Variants in NTN1 observed in about 807,000 individuals in gnomAD.
The protein encoded by NTN1 is netrin-1.
Under a neutral mutation model 54.2 loss-of-function variants are expected in NTN1, and 11 were observed. That is an observed-to-expected ratio of 0.20 (90% CI 0.13 to 0.34). NTN1 has a LOEUF of 0.34. Ranked by LOEUF, NTN1 falls within the 10% of genes least tolerant of loss-of-function variation. The probability of loss-of-function intolerance (pLI) is 1.00; values close to 1 mark genes in which losing one functional copy is unlikely to be tolerated. For missense variants in NTN1, 740 were observed against 893.1 expected (o/e 0.83, Z 2.18); for synonymous variants, 371 against 382.0 (o/e 0.97, Z 0.33).
At chr17:9,146,289 T>C (rs2092313120) in intron 2 of NTN1, among the ~76,000 whole-genome samples, 1 of 152,180 alleles carries the variant, frequency 6.6e-6, no homozygotes, top group African/African-American at 2.4e-5. Context: ...GAGTCATGTG[T>C]CACTGTTACG....
At chr17:9,139,721 G>T (rs573727444) in intron 2 of NTN1, among the ~76,000 whole-genome samples, 1 of 152,118 alleles carries the variant, frequency 6.6e-6, no homozygotes, top group Non-Finnish European at 1.5e-5. Context: ...ACATTTTTGG[G>T]CTGTGACTCA....
chr17:9,233,560 TG>T (rs1426545090), intron 6 of NTN1, among the ~76,000 whole-genome samples: 2 of 151,960 alleles, frequency 1.3e-5, no homozygotes, highest in East Asian at 3.9e-4. Context: ...TGGTGGCTCC[TG>T]GGCCCGGACT....
intron 6 of NTN1, among the ~76,000 whole-genome samples, chr17:9,235,497 C>T (rs1417276184): frequency 1.3e-5 from 2 of 152,114 alleles, no homozygotes; most frequent in Non-Finnish European, 2.9e-5. Context: ...TGAGTTTCAT[C>T]GTGTGGGTGT....
chr17:9,132,612 C>T (rs916031452), intron 2 of NTN1, among the ~76,000 whole-genome samples: 1 of 152,220 alleles, frequency 6.6e-6, no homozygotes, highest in Non-Finnish European at 1.5e-5. Flanking sequence ...CAGTGGCTCA[C>T]GCCTGTAACC....
At position 9,219,978 on chromosome 17, in the gene NTN1, TGCAGCTCCCC is replaced by T. The variant is rs1275499569; in HGVS notation, c.1412-1187_1412-1178del. 2.0e-5 allele frequency among the ~76,000 whole-genome samples: 3 copies of T among 152,170 alleles called. No individual in the cohort carries two copies. In the East Asian group the frequency reaches 5.8e-4, roughly 29 times the overall value. The stretch of plus-strand genomic sequence containing the variant: ...ACAGGCTGGGCCCCCTGCAGCTCCC[TGCAGCTCCCC>T]GCTCCTCCCCGCTGGCCAGCCTGGC... On this transcript the variant is annotated intron_variant, in intron 5 of 6. Transcript: ENST00000173229. The surrounding 1 kb of genome is among the most constrained non-coding windows in gnomAD (Gnocchi z 4.5).
chr17:9,237,722 G>C (rs1035944792), intron 6 of NTN1, among the ~76,000 whole-genome samples: 1 of 152,192 alleles, frequency 6.6e-6, no homozygotes, highest in Non-Finnish European at 1.5e-5. Flanking sequence ...AGAGGAAAGC[G>C]GGGCTCTCAG....
At position 9,023,260 on chromosome 17, in the gene NTN1, G is replaced by C. The variant is rs748734505; in HGVS notation, c.887G>C (p.Arg296Pro). 1 of 1,562,200 alleles carries C rather than the reference G, an allele frequency of 6.4e-7. No homozygotes were observed. Among genetic ancestry groups the C allele is most frequent in the Admixed American group, 1.8e-5 (1 of 54,784 alleles). ...KCNGHAARCVRDRDDSLVCDC... is the reference protein window; with the variant it reads ...KCNGHAARCVPDRDDSLVCDC... ...AACGGCCACGCGGCCCGCTGCGTGC[G>C]CGACCGCGACGACAGCCTGGTGTGC... Residue 296 changes from arginine to proline, a missense_variant, in exon 2 of 7, where the codon CGC (arginine) becomes CCC (proline). Arg to Pro is a moderately radical substitution (Grantham distance 103). Transcript: ENST00000173229.
intron 5 of NTN1, chr17:9,183,539 C>T (rs990898507): frequency 2.9e-6 from 1 of 346,426 alleles, no homozygotes; most frequent in Middle Eastern, 1.1e-3. Flanking sequence ...GTTTACACAT[C>T]ACATTCTAGC....
At chr17:9,172,085 A>G (rs1320292932) in intron 3 of NTN1, among the ~76,000 whole-genome samples, 13 of 151,978 alleles carry the variant, frequency 8.6e-5, no homozygotes, top group Non-Finnish European at 1.2e-4. Flanking sequence ...ATGCAGTTTC[A>G]CCATGTTAGT....
chr17:9,239,746 T>C lies in NTN1; in HGVS notation c.1593T>C (p.Gly531=). ...YKQGTSRIRR[G]DQSLWIRSRD... ...AGGGCACGAGCCGCATCCGCCGCGG[T>C]GACCAGAGCCTGTGGATCCGCTCGC... is the stretch of plus-strand genomic sequence containing the variant. The change falls in exon 7 of 7, where the codon GGT becomes GGC. Residue 531 remains glycine, a synonymous_variant. Coordinates refer to ENST00000173229, the MANE Select transcript of NTN1 (RefSeq NM_004822.3). This position sits in a 1 kb window ranked among gnomAD's most constrained non-coding sequence, Gnocchi z 5.2. 6.2e-7 allele frequency: 1 copy of C among 1,613,738 alleles called. No individual in the cohort carries two copies. Among genetic ancestry groups the C allele is most frequent in the Non-Finnish European group, 8.5e-7 (1 of 1,180,020 alleles).
chr17:9,138,644 G>T (rs528631713), intron 2 of NTN1, among the ~76,000 whole-genome samples: 173 of 152,336 alleles, frequency 1.1e-3, no homozygotes, highest in Non-Finnish European at 7.2e-4. Flanking sequence ...TGACAGCCGC[G>T]TGCCGGGTAC....
At chr17:9,089,091 G>A (rs2092099675) in intron 2 of NTN1, among the ~76,000 whole-genome samples, 1 of 152,088 alleles carries the variant, frequency 6.6e-6, no homozygotes, top group South Asian at 2.1e-4. Context: ...CAGGTATGAG[G>A]AGCCTCATTT....
chr17:9,209,286 C>T (rs1284719246), intron 5 of NTN1, among the ~76,000 whole-genome samples: 3 of 152,226 alleles, frequency 2.0e-5, no homozygotes, highest in South Asian at 4.1e-4. Context: ...TTTCCACTTA[C>T]GTCCTGGGGC....
chr17:9,217,717 C>T (rs1905244426), intron 5 of NTN1, among the ~76,000 whole-genome samples: 2 of 152,106 alleles, frequency 1.3e-5, no homozygotes, highest in African/African-American at 4.8e-5. Flanking sequence ...CCTTCCAAGC[C>T]TAGTTACCTG....
At chr17:9,037,049 A>G (rs553167505) in intron 2 of NTN1, among the ~76,000 whole-genome samples, 41 of 152,196 alleles carry the variant, frequency 2.7e-4, no homozygotes, top group African/African-American at 9.6e-4. Flanking sequence ...AGGTGTATGA[A>G]TTTTCACAAA....
intron 2 of NTN1, among the ~76,000 whole-genome samples, chr17:9,030,355 T>G (rs996835575): frequency 2.6e-5 from 4 of 152,266 alleles, no homozygotes; most frequent in African/African-American, 9.6e-5. Flanking sequence ...CAGCAATCCC[T>G]GGACCTTCTG....
chr17:9,007,599 TTCCTTCCTTCCTTC>T, the NTN1 span, among the ~76,000 whole-genome samples: 12 of 145,652 alleles, frequency 8.2e-5, no homozygotes, highest in Non-Finnish European at 4.5e-5. Context: ...CCTTCCTACC[TTCCTTCCTTCCTTC>T]TCCTTCCTTC....
At chr17:9,225,120 G>A (rs539271830) in intron 6 of NTN1, among the ~76,000 whole-genome samples, 1 of 152,230 alleles carries the variant, frequency 6.6e-6, no homozygotes, top group Non-Finnish European at 1.5e-5. Flanking sequence ...AAATTAGCTG[G>A]GTGTGGTGGT....
rs1437695664 is a variant in NTN1, at chr17:9,165,062, A to C, written c.1207+2061A>C. The stretch of plus-strand genomic sequence containing the variant: ...TCTTGTAAACAGCTGGCTTGCACAT[A>C]GATTTCTTGGGAGTTCAGCCAAGAA... On this transcript the variant is annotated intron_variant, in intron 3 of 6. Coordinates refer to ENST00000173229, the MANE Select transcript of NTN1 (RefSeq NM_004822.3). The surrounding 1 kb of genome is among the most constrained non-coding windows in gnomAD (Gnocchi z 4.5). Among the ~76,000 whole-genome samples the C allele has an allele frequency of 6.6e-6, 1 of 152,208 alleles. No homozygotes were observed. The highest frequency in any genetic ancestry group is 2.4e-5 in the African/African-American group (1 of 41,450).
Sources: allele counts gnomAD v4.1 joint callset (sites outside exome capture counted in the v4.1 genomes callset), GRCh38; gene constraint gnomAD v4.1.1; non-coding constraint Gnocchi (gnomAD v3.1); transcripts MANE v1.5; gene names NCBI Gene and HGNC (gene_info 2026-07-23, HGNC 2026-07-21).